The following DCUN1D4 variants were observed in gnomAD, a reference collection of about 807,000 sequenced individuals.
The protein encoded by DCUN1D4 is DCN1-like protein 4.
In DCUN1D4, 22 loss-of-function variants were observed where a neutral mutation model predicts 47.9. That is an observed-to-expected ratio of 0.46 (90% confidence interval 0.33 to 0.66). The LOEUF (loss-of-function observed/expected upper bound fraction) is 0.66. Among genes scored for constraint, DCUN1D4 ranks in the 30% least tolerant of loss-of-function variants. The pLI is 0.02. For missense variants in DCUN1D4, 301 were observed against 340.8 expected (o/e 0.88, Z 0.92); for synonymous variants, 121 against 112.2 (o/e 1.08, Z -0.50).
At chr4:51,871,052 A>T (rs1726807189) in intron 3 of DCUN1D4, among the ~76,000 whole-genome samples, 1 of 151,730 alleles carries the variant, frequency 6.6e-6, no homozygotes, top group African/African-American at 2.4e-5. Flanking sequence ...CTGTTGGGGC[A>T]GGTGGATAGA....
chr4:51,839,213 G>GGAA (rs1721570282), upstream of DCUN1D4, among the ~76,000 whole-genome samples: 15 of 108,732 alleles, frequency 1.4e-4, no homozygotes, highest in South Asian at 3.7e-3. Flanking sequence ...GAAGGAAGGA[G>GGAA]GGAAGGAAAG....
chr4:51,864,629 T>C (rs1273107176), intron 3 of DCUN1D4, among the ~76,000 whole-genome samples: 2 of 152,188 alleles, frequency 1.3e-5, no homozygotes, highest in Non-Finnish European at 2.9e-5. Flanking sequence ...TCTTGCTCAC[T>C]GCATCTTAAC....
chr4:51,912,938 A>G (rs766584399), intron 9 of DCUN1D4, among the ~76,000 whole-genome samples: 5 of 152,212 alleles, frequency 3.3e-5, no homozygotes, highest in Non-Finnish European at 5.9e-5. Flanking sequence ...ATAAATTAGT[A>G]AATGATCTCT....
chr4:51,900,292 CTG>C (rs1451427835), intron 8 of DCUN1D4, among the ~76,000 whole-genome samples: 2 of 152,122 alleles, frequency 1.3e-5, no homozygotes, highest in African/African-American at 4.8e-5. Flanking sequence ...ATAACGTTCT[CTG>C]TGGTGCCCTC....
intron 8 of DCUN1D4, among the ~76,000 whole-genome samples, chr4:51,906,339 G>C (rs1732890515): frequency 6.6e-6 from 1 of 151,972 alleles, no homozygotes; most frequent in Non-Finnish European, 1.5e-5. Flanking sequence ...AAATGATTAG[G>C]GATGTTACTC....
At chr4:51,889,406 T>G (rs1360745222) in intron 6 of DCUN1D4, among the ~76,000 whole-genome samples, 3 of 152,216 alleles carry the variant, frequency 2.0e-5, no homozygotes. Context: ...TTAAGCAGGC[T>G]TGTAAAATTC....
At chr4:51,837,654 CAAAAAAAAAAAAAA>C in the DCUN1D4 span, among the ~76,000 whole-genome samples, 24 of 46,184 alleles carry the variant, frequency 5.2e-4, no homozygotes, top group African/African-American at 9.2e-4. Flanking sequence ...GACTCCGTCT[CAAAAAAAAAAAAAA>C]AAAAAAAAAA....
intron 6 of DCUN1D4, among the ~76,000 whole-genome samples, chr4:51,891,031 G>T (rs967017788): frequency 6.6e-6 from 1 of 152,194 alleles, no homozygotes; most frequent in African/African-American, 2.4e-5. Flanking sequence ...CCCATTCCAG[G>T]CATAGTGCTG....
intron 3 of DCUN1D4, among the ~76,000 whole-genome samples, chr4:51,872,239 G>A (rs1412079247): frequency 3.3e-5 from 5 of 152,198 alleles, no homozygotes; most frequent in South Asian, 2.1e-4. Context: ...TAGGAACTTA[G>A]CACAGTGATG....
rs993048155 is a variant in DCUN1D4, at chr4:51,915,082, C to T, written c.*1498C>T. The stretch of plus-strand genomic sequence containing the variant: ...TTGGAACTCTGGCTAAAACTTCTTT[C>T]GGGTGACATGTGATCGTTTAAATGG... On this transcript the variant is annotated 3_prime_UTR_variant, in exon 11 of 11. Transcript: ENST00000334635. 4 of 152,402 alleles carry T rather than the reference C, an allele frequency of 2.6e-5. No homozygotes were observed. The highest frequency in any genetic ancestry group is 9.7e-5 in the African/African-American group (4 of 41,378). 9.4% of individuals were successfully genotyped at this position (152,402 alleles called of 1,614,324 possible).
rs754240391 is a variant in DCUN1D4 at position 51,863,502 on chromosome 4, A to G, written c.91A>G (p.Lys31Glu). The change falls in exon 2 of 11, where the codon AAG becomes GAG. Residue 31 changes from lysine (K) to glutamate (E), a missense_variant. Coordinates refer to ENST00000334635, the MANE Select transcript of DCUN1D4 (RefSeq NM_001040402.3). Reference protein sequence around the residue: ...NIHKIYHTLNKLNLTEDIGQD... With the variant: ...NIHKIYHTLNELNLTEDIGQD... ...TCATAAGATCTACCACACCCTTAAT[A>G]AGCTGGTAAGTCATTCTTTTAAAGA... The G allele has an allele frequency of 1.2e-6, 2 of 1,610,802 alleles. No individual in the cohort carries two copies. Among genetic ancestry groups the G allele is most frequent in the Admixed American group, 3.3e-5 (2 of 59,800 alleles).
intron 8 of DCUN1D4, 110 bp downstream of exon 8, chr4:51,899,488 A>G (rs923984222): frequency 6.8e-7 from 1 of 1,475,686 alleles, no homozygotes; most frequent in African/African-American, 1.5e-5. Flanking sequence ...GAATAAGTTA[A>G]CTCCCAGGAT....
chr4:51,877,943 T>G (rs1042719992), intron 5 of DCUN1D4, 89 bp downstream of exon 5: 29 of 937,940 alleles, frequency 3.1e-5, no homozygotes, highest in African/African-American at 5.2e-5. Flanking sequence ...AATGTGTACA[T>G]TTCAAATTTG....
chr4:51,867,139 C>A (rs1033246849), intron 3 of DCUN1D4, among the ~76,000 whole-genome samples: 1 of 152,230 alleles, frequency 6.6e-6, no homozygotes, highest in Non-Finnish European at 1.5e-5. Context: ...CAGCTCTGTG[C>A]GAGGCTGCAG....
At chr4:51,842,883 C>A (rs565630732), upstream of DCUN1D4, 50 of 330,696 alleles carry the variant, frequency 1.5e-4, no homozygotes, top group African/African-American at 1.1e-3. Flanking sequence ...CGCCCCTACA[C>A]GCGCTCTCGG....
intron 8 of DCUN1D4, among the ~76,000 whole-genome samples, chr4:51,910,234 G>A (rs191385837): frequency 3.8e-4 from 58 of 152,234 alleles, no homozygotes; most frequent in Non-Finnish European, 5.9e-4. Flanking sequence ...GAAACTGACC[G>A]CTTGTAGTTC....
In DCUN1D4 at chr4:51,915,303, G is replaced by A. The variant is rs536120963; in HGVS notation, c.*1719G>A. The A allele has an allele frequency of 4.6e-5, 7 of 152,504 alleles. No individual in the cohort carries two copies. The highest frequency in any genetic ancestry group is 4.1e-4 in the South Asian group (2 of 4,822). 9.4% of individuals were successfully genotyped at this position (152,504 alleles called of 1,614,324 possible). On this transcript the variant is annotated 3_prime_UTR_variant, in exon 11 of 11. Coordinates refer to ENST00000334635, the MANE Select transcript of DCUN1D4 (RefSeq NM_001040402.3). ...CAACTACTTTCTTTTTCTACCAAAC[G>A]AAAGGTTTTATTTGCTGTGAAATAA...
intron 7 of DCUN1D4, among the ~76,000 whole-genome samples, chr4:51,896,195 T>C (rs912576081): frequency 6.6e-6 from 1 of 152,234 alleles, no homozygotes; most frequent in Admixed American, 6.5e-5. Flanking sequence ...GCACAAGAAC[T>C]GTTCATTTCC....
chr4:51,866,331 C>T (rs1725894238), intron 3 of DCUN1D4, among the ~76,000 whole-genome samples: 1 of 152,128 alleles, frequency 6.6e-6, no homozygotes, highest in Non-Finnish European at 1.5e-5. Flanking sequence ...TAGTAGTCCA[C>T]GTTTGACTTT....
Sources: gnomAD v4.1 joint callset for allele counts (sites outside exome capture counted in the v4.1 genomes callset) on GRCh38, gnomAD v4.1.1 for gene constraint, MANE v1.5 for transcripts, NCBI Gene and HGNC (gene_info 2026-07-23, HGNC 2026-07-21) for gene names.